Variants in CSF2RA observed in about 807,000 individuals in gnomAD.
CSF2RA encodes colony stimulating factor 2 receptor subunit alpha, also known as granulocyte-macrophage colony-stimulating factor receptor subunit alpha.
CSF2RA carries 42 observed loss-of-function variants against 51.6 expected under a neutral mutation model. That is an observed-to-expected ratio of 0.81 (90% CI 0.64 to 1.05). The LOEUF (loss-of-function observed/expected upper bound fraction) is 1.05, where lower values mean the gene tolerates loss of function less well. CSF2RA is among the 50% of genes least tolerant of loss of function. The pLI, the probability that CSF2RA is intolerant of heterozygous loss-of-function variation, is 0.00. For synonymous variants in CSF2RA, 222 were observed against 193.0 expected, an observed-to-expected ratio of 1.15 and a Z score of -1.24; for missense variants, 530 against 501.1, an observed-to-expected ratio of 1.06 and a Z score of -0.55.
In CSF2RA at chrX:1,309,520, C is replaced by T. The variant is rs561611425; in HGVS notation, c.*41C>T. 1.4e-3 allele frequency: 2,328 copies of T among 1,613,956 alleles called. 47 individuals carry two copies. In the South Asian group the frequency reaches 0.024, roughly 17 times the overall value. On this transcript the variant is annotated 3_prime_UTR_variant, in exon 13 of 13. Transcript: ENST00000381529. ...GGAATGGCATGGACATCTCCGCCTCCGCGACACGGGGGAACTGTTTTCTTG... is the reference window on the plus strand; with the variant it reads ...GGAATGGCATGGACATCTCCGCCTCTGCGACACGGGGGAACTGTTTTCTTG...
intron 2 of CSF2RA, among the ~76,000 whole-genome samples, chrX:1,280,371 C>T (rs371394814): frequency 1.7e-4 from 26 of 150,444 alleles, no homozygotes; most frequent in South Asian, 1.1e-3. Context: ...CTTGGGAGGC[C>T]GAGGCAGGAG....
intron 1 of CSF2RA, among the ~76,000 whole-genome samples, chrX:1,271,548 G>C (rs1209221205): frequency 1.3e-5 from 2 of 151,468 alleles, no homozygotes; most frequent in African/African-American, 4.9e-5. Context: ...ACAGTATCTT[G>C]CTCTGTTGCC....
At position 1,309,816 on chromosome X, in the gene CSF2RA, A is replaced by G; in HGVS notation, c.*337A>G. The G allele has an allele frequency of 1.6e-6, 1 of 613,644 alleles. No homozygotes were observed. The highest frequency in any genetic ancestry group is 2.8e-5 in the Admixed American group (1 of 35,916). The allele number at this position is 613,644 out of a possible 1,614,324, so 38.0% of individuals were successfully genotyped here. On this transcript the variant is annotated 3_prime_UTR_variant, in exon 13 of 13. Transcript: ENST00000381529. ...GGCAGGAGAATTGCTTGAACCCGTG[A>G]GGCGGAGGTTGTAGTGAGCCAAGAT...
intron 9 of CSF2RA, 173 bp from the exon 10 acceptor site, chrX:1,300,318 T>C (rs2092284616): frequency 2.6e-6 from 2 of 761,376 alleles, no homozygotes; most frequent in Admixed American, 2.8e-5. Context: ...GGCTTGACTC[T>C]GCTTAGCTTC....
the CSF2RA span, among the ~76,000 whole-genome samples, chrX:1,323,158 T>TATAAAATAAAAAATAAAATAAA: frequency 2.2e-5 from 3 of 133,956 alleles, no homozygotes; most frequent in African/African-American, 3.3e-5. Context: ...ACATTACAAT[T>TATAAAATAAAAAATAAAATAAA]ATAAAATAAA....
In CSF2RA at chrX:1,303,955, A is replaced by C; in HGVS notation, c.979A>C (p.Ile327Leu). Residue 327 changes from isoleucine to leucine, a missense_variant, in exon 11 of 13, where the codon ATT becomes CTT. Transcript: ENST00000381529. Reference sequence around the variant, plus strand: ...CGACGGGAACCTCGGCTCTGTGTACATTTATGTGCTCCTAATCGTGGGAAC... The same window carrying C: ...CGACGGGAACCTCGGCTCTGTGTACCTTTATGTGCTCCTAATCGTGGGAAC... Reference protein sequence around the residue: ...SDDGNLGSVYIYVLLIVGTLV... With the variant: ...SDDGNLGSVYLYVLLIVGTLV... 6.2e-7 allele frequency: 1 copy of C among 1,613,330 alleles called. No homozygotes were observed. Among genetic ancestry groups the C allele is most frequent in the African/African-American group, 1.3e-5 (1 of 74,814 alleles).
chrX:1,282,896 A>C, intron 3 of CSF2RA, 117 bp downstream of exon 3: 1 of 931,496 alleles, frequency 1.1e-6, no homozygotes, highest in Non-Finnish European at 1.8e-6. Flanking sequence ...TTTATGAGGG[A>C]CCCAATAAGC....
chrX:1,281,326 T>C (rs2090030009), intron 2 of CSF2RA, among the ~76,000 whole-genome samples: 2 of 131,834 alleles, frequency 1.5e-5, no homozygotes, highest in African/African-American at 2.9e-5. Context: ...CTCCTCCTCC[T>C]TCTCCTCCTC....
chrX:1,324,647 G>C, the CSF2RA span, among the ~76,000 whole-genome samples: 1 of 152,102 alleles, frequency 6.6e-6, no homozygotes, highest in South Asian at 2.1e-4. Flanking sequence ...GGACATAAGT[G>C]CTTTGGCCCC....
chrX:1,272,350 C>T, intron 1 of CSF2RA, among the ~76,000 whole-genome samples: 1 of 79,718 alleles, frequency 1.3e-5, no homozygotes. Flanking sequence ...CACATTGAGA[C>T]TACAGAAGGA....
chrX:1,305,348 G>A, intron 11 of CSF2RA, 98 bp from the exon 12 acceptor site: 7 of 1,337,658 alleles, frequency 5.2e-6, no homozygotes, highest in Non-Finnish European at 7.5e-6. Flanking sequence ...GTTGAGCGCA[G>A]ACACCCCGCA....
At chrX:1,283,514 T>A (rs1156519672) in intron 3 of CSF2RA, among the ~76,000 whole-genome samples, 1 of 149,700 alleles carries the variant, frequency 6.7e-6, no homozygotes, top group Non-Finnish European at 1.5e-5. Context: ...CCTTTTTTTT[T>A]CTCCTTCTTT....
At chrX:1,323,688 A>G in the CSF2RA span, among the ~76,000 whole-genome samples, 1 of 151,646 alleles carries the variant, frequency 6.6e-6, no homozygotes, top group South Asian at 2.1e-4. Context: ...GTTTGAGGCT[A>G]GCCTGGGCAA....
chrX:1,318,962 G>T, the CSF2RA span, among the ~76,000 whole-genome samples: 1 of 150,084 alleles, frequency 6.7e-6, no homozygotes. Flanking sequence ...TTCGCCCCCT[G>T]GTGATGATGA....
chrX:1,269,056 C>A (rs766817017), intron 1 of CSF2RA, among the ~76,000 whole-genome samples, 177 bp downstream of exon 1: 13 of 152,174 alleles, frequency 8.5e-5, no homozygotes, highest in African/African-American at 2.9e-4. Flanking sequence ...AGGAACCTTG[C>A]ATATGAGTTG....
At chrX:1,290,195 T>G (rs2091265642) in intron 6 of CSF2RA, 142 bp from the exon 7 acceptor site, 3 of 698,050 alleles carry the variant, frequency 4.3e-6, no homozygotes, top group Non-Finnish European at 7.3e-6. Context: ...TTTTGTGGGT[T>G]TTTTTTGTTT....
At chrX:1,317,605 G>A in the CSF2RA span, among the ~76,000 whole-genome samples, 1 of 140,504 alleles carries the variant, frequency 7.1e-6, no homozygotes, top group Non-Finnish European at 1.5e-5. Context: ...TCTTGCTCTT[G>A]TCACCCAGGC....
At chrX:1,321,671 C>T in the CSF2RA span, among the ~76,000 whole-genome samples, 1 of 151,970 alleles carries the variant, frequency 6.6e-6, no homozygotes, top group South Asian at 2.1e-4. Context: ...AAAATGCGAG[C>T]AACGTGGAGC....
chrX:1,314,608 T>G (rs866163682), downstream of CSF2RA, among the ~76,000 whole-genome samples: 3 of 19,972 alleles, frequency 1.5e-4, no homozygotes, highest in African/African-American at 5.8e-4. Context: ...CCAACCCCAC[T>G]GCACCTGCCC....
Sources: gnomAD v4.1 joint callset for allele counts (sites outside exome capture counted in the v4.1 genomes callset) on GRCh38, gnomAD v4.1.1 for gene constraint, MANE v1.5 for transcripts, NCBI Gene and HGNC (gene_info 2026-07-23, HGNC 2026-07-21) for gene names.